Variants in KCNIP4 observed in about 807,000 individuals in gnomAD.
KCNIP4 encodes the protein Kv channel-interacting protein 4.
A neutral mutation model predicts 34.0 loss-of-function variants in KCNIP4; 12 were observed. The observed-to-expected ratio is 0.35, with a 90% CI of 0.23 to 0.57. The LOEUF is 0.57. Ranked by LOEUF, KCNIP4 falls within the 20% of genes least tolerant of loss-of-function variation. The pLI is 0.83. For missense variants in KCNIP4, 238 were observed against 311.7 expected (o/e 0.76, Z 1.78); for synonymous variants, 124 against 102.2 (o/e 1.21, Z -1.29).
intron 1 of KCNIP4, among the ~76,000 whole-genome samples, chr4:21,571,733 C>T (rs1157268384): frequency 6.6e-6 from 1 of 152,076 alleles, no homozygotes; most frequent in Non-Finnish European, 1.5e-5. Flanking sequence ...TGAGATGTGA[C>T]AGTACTAACA....
chr4:21,576,583 T>C (rs971823626), intron 1 of KCNIP4, among the ~76,000 whole-genome samples: 1 of 152,198 alleles, frequency 6.6e-6, no homozygotes, highest in Non-Finnish European at 1.5e-5. Flanking sequence ...TCCAAACTTG[T>C]TTATGAAAAT....
chr4:21,548,433 T>G (rs1384051034), intron 1 of KCNIP4, among the ~76,000 whole-genome samples: 1 of 152,064 alleles, frequency 6.6e-6, no homozygotes, highest in Non-Finnish European at 1.5e-5. Context: ...CTGAAAACAA[T>G]GTAAATGGTT....
chr4:21,306,103 C>G (rs556744200), intron 1 of KCNIP4, among the ~76,000 whole-genome samples: 1 of 152,146 alleles, frequency 6.6e-6, no homozygotes, highest in Non-Finnish European at 1.5e-5. Context: ...TGCTTTAATG[C>G]ATTGCTCCTT....
At chr4:20,825,883 C>T (rs576338228) in intron 3 of KCNIP4, among the ~76,000 whole-genome samples, 3 of 152,146 alleles carry the variant, frequency 2.0e-5, no homozygotes, top group East Asian at 1.9e-4. Flanking sequence ...AAGAACACCA[C>T]GGAAACCAAG....
At chr4:21,684,984 C>T (rs1434161091) in intron 1 of KCNIP4, among the ~76,000 whole-genome samples, 3 of 152,118 alleles carry the variant, frequency 2.0e-5, no homozygotes, top group Admixed American at 1.3e-4. Context: ...ACATATTGCA[C>T]ATATTTGTAT....
intron 2 of KCNIP4, among the ~76,000 whole-genome samples, chr4:20,880,009 A>G (rs1724497079): frequency 6.6e-6 from 1 of 152,230 alleles, no homozygotes; most frequent in Admixed American, 6.5e-5. Context: ...ACAATATACT[A>G]GAGTTATGCA....
intron 1 of KCNIP4, among the ~76,000 whole-genome samples, chr4:21,344,095 G>A (rs1010247610): frequency 1.3e-5 from 2 of 152,106 alleles, no homozygotes; most frequent in Non-Finnish European, 2.9e-5. Flanking sequence ...ACAGTTATGT[G>A]CACAAGACAT....
At chr4:21,315,373 T>A (rs548147837) in intron 1 of KCNIP4, 114 of 152,344 alleles carry the variant, frequency 7.5e-4, no homozygotes, top group East Asian at 1.5e-3. Flanking sequence ...ATGATTTTTT[T>A]AATTTTTTTT....
chr4:21,228,598 G>A (rs999127553), intron 1 of KCNIP4, among the ~76,000 whole-genome samples: 1 of 152,120 alleles, frequency 6.6e-6, no homozygotes, highest in Non-Finnish European at 1.5e-5. Context: ...CCCCTCTGGG[G>A]TATGAGCTCT....
At position 21,478,023 on chromosome 4, in the gene KCNIP4, T is replaced by C. The variant is rs16871123; in HGVS notation, c.61+470548A>G. Among the ~76,000 whole-genome samples the C allele has an allele frequency of 6.7e-3, 1,013 of 152,322 alleles. 49 individuals carry two copies. In the East Asian group the frequency reaches 0.12, roughly 18 times the overall value. ...GCCTGTTAGTGTCAACCTCTCAACA[T>C]ATCCTCCTACCCTTCAACAAATATT... On this transcript the variant is annotated intron_variant, in intron 1 of 8. Transcript: ENST00000382152.
At chr4:21,036,164 A>G (rs1741424738) in intron 1 of KCNIP4, among the ~76,000 whole-genome samples, 1 of 152,200 alleles carries the variant, frequency 6.6e-6, no homozygotes, top group Non-Finnish European at 1.5e-5. Flanking sequence ...GAACATACTT[A>G]TGCTATGCCT....
chr4:21,285,493 A>G (rs915273541), intron 1 of KCNIP4, among the ~76,000 whole-genome samples: 1 of 152,122 alleles, frequency 6.6e-6, no homozygotes, highest in Non-Finnish European at 1.5e-5. Context: ...TGATGAGCCA[A>G]CTGCCTCCCA....
At chr4:21,348,122 A>G (rs980366399) in intron 1 of KCNIP4, among the ~76,000 whole-genome samples, 4 of 152,184 alleles carry the variant, frequency 2.6e-5, no homozygotes, top group African/African-American at 7.2e-5. Context: ...TATTCATGGT[A>G]TCCTTACCTG....
chr4:21,643,469 G>A (rs1200845614), intron 1 of KCNIP4, among the ~76,000 whole-genome samples: 1 of 152,038 alleles, frequency 6.6e-6, no homozygotes, highest in African/African-American at 2.4e-5. Context: ...ATGAGTGCCA[G>A]GTTTACAAAA....
chr4:21,781,889 T>C (rs1719594553), intron 1 of KCNIP4, among the ~76,000 whole-genome samples: 1 of 152,126 alleles, frequency 6.6e-6, no homozygotes, highest in Admixed American at 6.6e-5. Context: ...CAGTAAACTT[T>C]ATTAACTAAT....
At chr4:21,236,810 C>T (rs1184610019) in intron 1 of KCNIP4, among the ~76,000 whole-genome samples, 3 of 150,830 alleles carry the variant, frequency 2.0e-5, no homozygotes, top group African/African-American at 7.3e-5. Flanking sequence ...GAGCTCAAGA[C>T]CAGCCTGACC....
chr4:21,682,231 C>A (rs1436280185), intron 1 of KCNIP4, among the ~76,000 whole-genome samples: 1 of 152,132 alleles, frequency 6.6e-6, no homozygotes, highest in Non-Finnish European at 1.5e-5. Context: ...ATTGCAAAAA[C>A]CCACACACTA....
At chr4:21,683,119 T>C (rs1750513225) in intron 1 of KCNIP4, among the ~76,000 whole-genome samples, 1 of 152,174 alleles carries the variant, frequency 6.6e-6, no homozygotes, top group African/African-American at 2.4e-5. Flanking sequence ...ATGTTTTATA[T>C]TCTCCACTAA....
chr4:21,934,248 G>A (rs1729727334), intron 1 of KCNIP4, among the ~76,000 whole-genome samples: 1 of 152,062 alleles, frequency 6.6e-6, no homozygotes. Flanking sequence ...CACTTCCAAC[G>A]ACTAGGCTGC....
Sources: gnomAD v4.1 joint callset for allele counts (sites outside exome capture counted in the v4.1 genomes callset) on GRCh38, gnomAD v4.1.1 for gene constraint, MANE v1.5 for transcripts, NCBI Gene and HGNC (gene_info 2026-07-23, HGNC 2026-07-21) for gene names.